Variants in AMBRA1 observed in about 807,000 individuals in gnomAD.
AMBRA1 encodes activating molecule in BECN1-regulated autophagy protein 1.
A neutral mutation model predicts 125.4 loss-of-function variants in AMBRA1; 47 were observed. The observed-to-expected ratio is 0.37, with a 90% CI of 0.30 to 0.48. AMBRA1 has a LOEUF of 0.48. Among genes scored for constraint, AMBRA1 ranks in the 20% least tolerant of loss-of-function variants. AMBRA1 has a pLI of 0.99. For missense variants in AMBRA1, 1,331 were observed against 1,693.4 expected (o/e 0.79, Z 3.76); for synonymous variants, 626 against 655.5 (o/e 0.95, Z 0.69).
chr11:46,564,287 A>C (rs1373221284), intron 1 of AMBRA1, among the ~76,000 whole-genome samples: 1 of 152,038 alleles, frequency 6.6e-6, no homozygotes, highest in Non-Finnish European at 1.5e-5. Context: ...CAAGTGATAG[A>C]ATATAACACA....
intron 14 of AMBRA1, among the ~76,000 whole-genome samples, chr11:46,419,378 G>T (rs1231323669): frequency 1.3e-5 from 2 of 151,192 alleles, no homozygotes; most frequent in Non-Finnish European, 3.0e-5. Context: ...TTGGGTTCGA[G>T]TCCTGATGCC....
intron 11 of AMBRA1, among the ~76,000 whole-genome samples, chr11:46,445,087 A>C (rs1488082565): frequency 1.3e-5 from 2 of 151,780 alleles, no homozygotes; most frequent in Non-Finnish European, 2.9e-5. Context: ...AAAAAAAACA[A>C]AAAAAAACTT....
chr11:46,579,915 G>A (rs2044112893), intron 1 of AMBRA1, among the ~76,000 whole-genome samples: 1 of 152,136 alleles, frequency 6.6e-6, no homozygotes, highest in Non-Finnish European at 1.5e-5. Context: ...GTTTTGCCAT[G>A]TTGGCCAGGC....
rs1590983489 is a variant in AMBRA1, at chr11:46,508,259, G to A, written c.2271C>T (p.Thr757=). The A allele has an allele frequency of 6.2e-7, 1 of 1,614,202 alleles. No homozygotes were observed. Among genetic ancestry groups the A allele is most frequent in the African/African-American group, 1.3e-5 (1 of 75,046 alleles). The change falls in exon 9 of 18, where the codon ACC becomes ACT. Residue 757 remains threonine, a synonymous_variant. Coordinates refer to ENST00000683756, the MANE Select transcript of AMBRA1 (RefSeq NM_001387011.1). ...CCTGGTTGTCTGAGGAAGAGGAGGA[G>A]GTGGAAGAACGGAGACGGTTCTGTT... ...RYQQNRLRSS[T]SSSSSDNQGP... is the part of the protein sequence containing the mutation.
chr11:46,424,842 T>A (rs1192523377), intron 14 of AMBRA1, among the ~76,000 whole-genome samples: 5 of 151,236 alleles, frequency 3.3e-5, no homozygotes, highest in African/African-American at 7.3e-5. Flanking sequence ...TTAAAAAAAA[T>A]TTTAAACAAA....
At position 46,397,486 on chromosome 11, in the gene AMBRA1, G is replaced by T. The variant is rs370073097; in HGVS notation, c.3861C>A (p.Asp1287Glu). 1 of 1,521,274 alleles carries T rather than the reference G, an allele frequency of 6.6e-7. No homozygotes were observed. The highest frequency in any genetic ancestry group is 2.2e-5 in the Admixed American group (1 of 46,490). 94.2% of individuals were successfully genotyped at this position (1,521,274 alleles called of 1,614,324 possible). The change falls in exon 18 of 18, where the codon GAC becomes GAA. Residue 1287 changes from aspartate (D) to glutamate (E), a missense_variant. Physicochemically the swap from Asp to Glu is conservative, Grantham distance 45 (BLOSUM62 2). Transcript: ENST00000683756. ...HLLDGGSSRGDAAGPRGEPRN... is the reference protein window; with the variant it reads ...HLLDGGSSRGEAAGPRGEPRN... ...GTGGTTCTCCCCTAGGGCCTGCAGC[G>T]TCCCCCCTGCTGCTGCCACCATCCA... is the stretch of plus-strand genomic sequence containing the variant.
chr11:46,542,722 G>C lies in AMBRA1; in HGVS notation c.1295C>G (p.Ala432Gly). The change falls in exon 7 of 18, where the codon GCG (alanine) becomes GGG (glycine). Residue 432 changes from alanine (A) to glycine (G), a missense_variant. Coordinates refer to ENST00000683756, the MANE Select transcript of AMBRA1 (RefSeq NM_001387011.1). This position sits in a 1 kb window ranked among gnomAD's most constrained non-coding sequence, Gnocchi z 5.9. ...TVLSLNSRSE[A>G]ESMPPPRTSA... ...GGTTCTGGGCGGGGGCATGGATTCCGCCTCAGAGCGGGAGTTCAGACTGAG... is the reference window on the plus strand; with the variant it reads ...GGTTCTGGGCGGGGGCATGGATTCCCCCTCAGAGCGGGAGTTCAGACTGAG... The C allele has an allele frequency of 6.2e-7, 1 of 1,614,054 alleles. No individual in the cohort carries two copies. The highest frequency in any genetic ancestry group is 8.5e-7 in the Non-Finnish European group (1 of 1,180,030).
intron 12 of AMBRA1, among the ~76,000 whole-genome samples, chr11:46,441,361 A>C (rs1947993953): frequency 6.6e-6 from 1 of 152,070 alleles, no homozygotes; most frequent in African/African-American, 2.4e-5. Context: ...TAAAAATACA[A>C]AAATTAGCTG....
At chr11:46,400,328 A>G (rs1357449112) in intron 17 of AMBRA1, among the ~76,000 whole-genome samples, 2 of 151,784 alleles carry the variant, frequency 1.3e-5, no homozygotes, top group Non-Finnish European at 2.9e-5. Flanking sequence ...CCCTAACCCC[A>G]TCCATCCCCT....
intron 11 of AMBRA1, among the ~76,000 whole-genome samples, chr11:46,462,474 C>T (rs1949140408): frequency 6.6e-6 from 1 of 152,124 alleles, no homozygotes; most frequent in African/African-American, 2.4e-5. Flanking sequence ...TGCTCTAAAG[C>T]TTTAGTGGCT....
chr11:46,410,223 G>A (rs944582351), intron 16 of AMBRA1, 53 bp downstream of exon 16: 6 of 1,568,780 alleles, frequency 3.8e-6, no homozygotes, highest in Admixed American at 1.7e-5. Context: ...TCAAAAGCAG[G>A]AGGAAGGGAT....
intron 7 of AMBRA1, among the ~76,000 whole-genome samples, chr11:46,521,773 G>A (rs1458421546): frequency 1.3e-5 from 2 of 152,238 alleles, no homozygotes; most frequent in Non-Finnish European, 2.9e-5. Flanking sequence ...GCAGTTGCCA[G>A]CAGAGACTGG....
rs1287327354 is a variant in AMBRA1, at chr11:46,435,048, CAAAG to C, written c.2633-15_2633-12del. ...GCACATTCACGGAAGCTGCATCAGACAAAGAAAGAAAAGAGGATAAGAAACTTTG... is the reference window on the plus strand; with the variant it reads ...GCACATTCACGGAAGCTGCATCAGACAAAGAAAAGAGGATAAGAAACTTTG... On this transcript the variant is annotated splice_polypyrimidine_tract_variant and intron_variant, in intron 12 of 17. Coordinates refer to ENST00000683756, the MANE Select transcript of AMBRA1 (RefSeq NM_001387011.1). The C allele has an allele frequency of 5.0e-6, 8 of 1,586,956 alleles. No homozygotes were observed. Among genetic ancestry groups the C allele is most frequent in the Non-Finnish European group, 5.1e-6 (6 of 1,167,420 alleles).
intron 11 of AMBRA1, among the ~76,000 whole-genome samples, chr11:46,485,279 TCAGA>T (rs1170850482): frequency 6.6e-6 from 1 of 152,190 alleles, no homozygotes; most frequent in Admixed American, 6.5e-5. Context: ...ATACTGTCTC[TCAGA>T]CAGAGTATAC....
chr11:46,576,906 C>T (rs2043977847), intron 1 of AMBRA1, among the ~76,000 whole-genome samples: 2 of 152,194 alleles, frequency 1.3e-5, no homozygotes, highest in South Asian at 2.1e-4. Context: ...TGCTGTGCTT[C>T]AATTATCCCA....
chr11:46,459,363 G>C (rs1324687371), intron 11 of AMBRA1, among the ~76,000 whole-genome samples: 1 of 152,012 alleles, frequency 6.6e-6, no homozygotes, highest in African/African-American at 2.4e-5. Context: ...GGTATTACTT[G>C]AATTATTTAC....
chr11:46,578,803 C>T (rs758647876), intron 1 of AMBRA1, among the ~76,000 whole-genome samples: 12 of 140,044 alleles, frequency 8.6e-5, no homozygotes, highest in Admixed American at 1.6e-4. Context: ...ATGGTGTGAA[C>T]CCGGGAGGTG....
At chr11:46,451,891 A>G (rs961903240) in intron 11 of AMBRA1, 10 of 148,648 alleles carry the variant, frequency 6.7e-5, no homozygotes, top group East Asian at 4.1e-4. Context: ...GGCAGGTCCA[A>G]CTGAAAAACT....
At chr11:46,504,003 C>G (rs1361588067) in intron 9 of AMBRA1, among the ~76,000 whole-genome samples, 1 of 152,174 alleles carries the variant, frequency 6.6e-6, no homozygotes, top group East Asian at 1.9e-4. Context: ...CCGGCTCTAG[C>G]AACAGTTTTC....
Sources: gnomAD v4.1 joint callset for allele counts (sites outside exome capture counted in the v4.1 genomes callset) on GRCh38, gnomAD v4.1.1 for gene constraint, Gnocchi (gnomAD v3.1) non-coding constraint, MANE v1.5 for transcripts, NCBI Gene and HGNC (gene_info 2026-07-23, HGNC 2026-07-21) for gene names.